The following SRGAP1 variants were observed in gnomAD, a reference collection of about 807,000 sequenced individuals.
SRGAP1 encodes SLIT-ROBO Rho GTPase-activating protein 1.
A neutral mutation model predicts 121.9 loss-of-function variants in SRGAP1; 43 were observed. That is an observed-to-expected ratio of 0.35 (90% CI 0.28 to 0.46). SRGAP1 has a LOEUF of 0.46. Ranked by LOEUF, SRGAP1 falls within the 20% of genes least tolerant of loss-of-function variation. The pLI is 1.00. For missense variants in SRGAP1, 1,102 were observed against 1,350.9 expected, an observed-to-expected ratio of 0.82 and a Z score of 2.89; for synonymous variants, 447 against 485.4, an observed-to-expected ratio of 0.92 and a Z score of 1.04.
intron 8 of SRGAP1, among the ~76,000 whole-genome samples, chr12:64,070,803 C>T (rs1252338821): frequency 6.6e-6 from 1 of 152,160 alleles, no homozygotes. Context: ...AGTTATACTT[C>T]CTTCCTAGGG....
chr12:63,851,611 C>T (rs111369084), intron 1 of SRGAP1, among the ~76,000 whole-genome samples: 13,081 of 146,360 alleles, frequency 0.089, 660 homozygotes, highest in East Asian at 0.15. Flanking sequence ...TTTTTTAGAC[C>T]GAGTCTTGCT....
chr12:64,012,633 G>A (rs561219755), intron 3 of SRGAP1, among the ~76,000 whole-genome samples: 2 of 130,796 alleles, frequency 1.5e-5, no homozygotes, highest in African/African-American at 6.1e-5. Context: ...GCTCACTGCA[G>A]CCTCGAACTC....
At chr12:64,118,608 G>A (rs933936953) in intron 18 of SRGAP1, among the ~76,000 whole-genome samples, 10 of 152,056 alleles carry the variant, frequency 6.6e-5, no homozygotes, top group Non-Finnish European at 1.2e-4. Context: ...TAACACAGTG[G>A]GATAACCTCA....
rs934703161 is a variant in SRGAP1 at position 64,070,376 on chromosome 12, G to A, written c.1125+5157G>A. Among the ~76,000 whole-genome samples, 7 of 152,262 alleles carry A rather than the reference G, an allele frequency of 4.6e-5. No homozygotes were observed. The East Asian group carries it at 5.8e-4, about 13-fold the overall frequency. On this transcript the variant is annotated intron_variant, in intron 8 of 21. Coordinates refer to ENST00000355086, the MANE Select transcript of SRGAP1 (RefSeq NM_020762.4). Reference sequence around the variant, plus strand: ...GCCTTTTGTATTTTTTTAGGACAGCGTTGGCTTTTAATAGCGTGCCCCATT... The same window carrying A: ...GCCTTTTGTATTTTTTTAGGACAGCATTGGCTTTTAATAGCGTGCCCCATT...
intron 1 of SRGAP1, among the ~76,000 whole-genome samples, chr12:63,875,776 T>G (rs1344278165): frequency 6.6e-6 from 1 of 152,218 alleles, no homozygotes; most frequent in Non-Finnish European, 1.5e-5. Flanking sequence ...TGTAGTTGAT[T>G]GCAAGTTTAG....
Position 64,151,807 on chromosome 12 carries a change from C to T in SRGAP1, c.*9135C>T, listed in dbSNP as rs2037122419. The T allele has an allele frequency of 6.6e-6, 1 of 152,182 alleles. No individual in the cohort carries two copies. The highest frequency in any genetic ancestry group is 6.5e-5 in the Admixed American group (1 of 15,278). 9.4% of individuals were successfully genotyped at this position (152,182 alleles called of 1,614,324 possible). On this transcript the variant is annotated 3_prime_UTR_variant, in exon 22 of 22. Coordinates refer to ENST00000355086, the MANE Select transcript of SRGAP1 (RefSeq NM_020762.4). Reference sequence around the variant, plus strand: ...ACTCTTTATTGTTTCAGCTAAACATCAGCAAACAGAGATTTTCCTCAGGCA... The same window carrying T: ...ACTCTTTATTGTTTCAGCTAAACATTAGCAAACAGAGATTTTCCTCAGGCA...
chr12:63,909,331 C>T (rs1283809816), intron 1 of SRGAP1, among the ~76,000 whole-genome samples: 4 of 152,256 alleles, frequency 2.6e-5, no homozygotes, highest in Non-Finnish European at 4.4e-5. Context: ...TTCTCACATG[C>T]AGATATGACT....
At chr12:64,069,080 T>G (rs2035594767) in intron 8 of SRGAP1, among the ~76,000 whole-genome samples, 2 of 151,946 alleles carry the variant, frequency 1.3e-5, no homozygotes, top group African/African-American at 2.4e-5. Flanking sequence ...CCAGCCTCTT[T>G]AAAAATTAGA....
At chr12:63,950,146 T>C (rs926115246) in intron 1 of SRGAP1, among the ~76,000 whole-genome samples, 1 of 152,188 alleles carries the variant, frequency 6.6e-6, no homozygotes, top group Non-Finnish European at 1.5e-5. Flanking sequence ...TGAATAAACT[T>C]ATTGAAAGAC....
intron 7 of SRGAP1, among the ~76,000 whole-genome samples, chr12:64,064,662 T>A (rs2035506165): frequency 6.6e-6 from 1 of 152,178 alleles, no homozygotes. Flanking sequence ...CTTACCACAG[T>A]CACCTGGCTG....
chr12:63,873,980 T>A (rs1019185085), intron 1 of SRGAP1, among the ~76,000 whole-genome samples: 11 of 151,338 alleles, frequency 7.3e-5, no homozygotes, highest in Non-Finnish European at 1.5e-4. Flanking sequence ...TGCAGTGAAC[T>A]GAGATCTGCA....
At chr12:63,887,811 T>G (rs1471548383) in intron 1 of SRGAP1, 1 of 152,292 alleles carries the variant, frequency 6.6e-6, no homozygotes, top group African/African-American at 2.4e-5. Flanking sequence ...TTCGAAGGTC[T>G]TCAGCTCTTC....
At chr12:63,863,569 G>A (rs1899528377) in intron 1 of SRGAP1, among the ~76,000 whole-genome samples, 1 of 152,156 alleles carries the variant, frequency 6.6e-6, no homozygotes, top group South Asian at 2.1e-4. Flanking sequence ...ACCGCGCCCA[G>A]CCACAGTTGC....
intron 21 of SRGAP1, among the ~76,000 whole-genome samples, chr12:64,132,832 C>G (rs1371452402): frequency 2.0e-5 from 3 of 152,270 alleles, no homozygotes; most frequent in East Asian, 3.8e-4. Context: ...CAGAGAGTTG[C>G]TATACCCCTG....
intron 12 of SRGAP1, chr12:64,092,034 G>A: frequency 1.1e-6 from 1 of 898,622 alleles, no homozygotes. Context: ...AAAGAAAAAT[G>A]TTTGCATTTG....
In SRGAP1 at chr12:63,997,389, G is replaced by A. The variant is rs114532272; in HGVS notation, c.426+7317G>A. ...TCACACAATGATGAAATTGCCTAAT[G>A]ATGCATTCCTTAGAATATGTCTCTG... On this transcript the variant is annotated intron_variant, in intron 3 of 21. Coordinates refer to ENST00000355086, the MANE Select transcript of SRGAP1 (RefSeq NM_020762.4). Among the ~76,000 whole-genome samples, 70 of 152,110 alleles carry A rather than the reference G, an allele frequency of 4.6e-4. 1 individual carries two copies. The Middle Eastern group carries it at 0.02, about 44-fold the overall frequency.
intron 6 of SRGAP1, 29 bp downstream of exon 6, chr12:64,043,604 A>G (rs1248463801): frequency 8.5e-6 from 13 of 1,535,028 alleles, no homozygotes; most frequent in South Asian, 3.7e-5. Flanking sequence ...TGTCTTTTCC[A>G]TATTAAAATG....
chr12:64,021,114 C>T (rs1483686643), intron 4 of SRGAP1, among the ~76,000 whole-genome samples: 2 of 152,298 alleles, frequency 1.3e-5, no homozygotes, highest in African/African-American at 2.4e-5. Context: ...ATTACATCTG[C>T]ATTCGTGGCA....
At chr12:63,986,197 C>G (rs1183292484) in intron 2 of SRGAP1, among the ~76,000 whole-genome samples, 1 of 151,342 alleles carries the variant, frequency 6.6e-6, no homozygotes, top group Non-Finnish European at 1.5e-5. Flanking sequence ...CTCTCTTTCT[C>G]TCTCTCCCCC....
Sources: allele counts gnomAD v4.1 joint callset (sites outside exome capture counted in the v4.1 genomes callset), GRCh38; gene constraint gnomAD v4.1.1; transcripts MANE v1.5; gene names NCBI Gene and HGNC (gene_info 2026-07-23, HGNC 2026-07-21).